Variants in ADGRV1 observed in about 807,000 individuals in gnomAD.
ADGRV1 encodes G-protein coupled receptor 98.
ADGRV1 carries 359 observed loss-of-function variants against 596.2 expected under a neutral mutation model. The ratio of observed to expected loss-of-function variants is 0.60; its 90% confidence interval spans 0.55 to 0.66. The LOEUF is 0.66. ADGRV1 is among the 30% of genes least tolerant of loss of function. The pLI is 0.00. For missense variants in ADGRV1, 7,274 were observed against 7,575.6 expected, an observed-to-expected ratio of 0.96 and a Z score of 1.48; for synonymous variants, 2,681 against 2,679.2, an observed-to-expected ratio of 1.00 and a Z score of -0.02.
intron 70 of ADGRV1, among the ~76,000 whole-genome samples, chr5:90,799,481 A>G (rs188704584): frequency 6.6e-6 from 1 of 152,350 alleles, no homozygotes; most frequent in East Asian, 1.9e-4. Context: ...AAGAATTAAT[A>G]TCGTTAAAAT....
intron 48 of ADGRV1, among the ~76,000 whole-genome samples, chr5:90,726,645 C>G (rs1189470905): frequency 7.6e-6 from 1 of 131,904 alleles, no homozygotes; most frequent in Non-Finnish European, 1.6e-5. Context: ...CCCTTTCTCT[C>G]TCTGGGTATG....
intron 28 of ADGRV1, among the ~76,000 whole-genome samples, 182 bp from the exon 29 acceptor site, chr5:90,685,597 TA>T (rs1745503182): frequency 7.0e-6 from 1 of 142,248 alleles, no homozygotes; most frequent in Non-Finnish European, 1.5e-5. Context: ...AGTCCATCTC[TA>T]TAAATAAATA....
chr5:90,700,921 T>C (rs1747832520), intron 34 of ADGRV1, among the ~76,000 whole-genome samples: 1 of 152,144 alleles, frequency 6.6e-6, no homozygotes, highest in Non-Finnish European at 1.5e-5. Flanking sequence ...TTATGTACAT[T>C]GTAGTTGGTG....
intron 83 of ADGRV1, among the ~76,000 whole-genome samples, chr5:90,964,838 G>A (rs971432026): frequency 6.6e-6 from 1 of 152,114 alleles, no homozygotes; most frequent in Non-Finnish European, 1.5e-5. Context: ...TTATGTGTGT[G>A]AGAAGGAAAT....
rs575555071 is a variant in ADGRV1, at chr5:90,977,575, C to G, written c.17974-7769C>G. ...CATTATATGAAGATATATGAATAAG[C>G]GAATGAATGTGTGTTTATGGAACAT... On this transcript the variant is annotated intron_variant, in intron 84 of 89. Coordinates refer to ENST00000405460, the MANE Select transcript of ADGRV1 (RefSeq NM_032119.4). 2.6e-5 allele frequency among the ~76,000 whole-genome samples: 4 copies of G among 152,142 alleles called. No homozygotes were observed. In the East Asian group the frequency reaches 7.7e-4, roughly 29 times the overall value.
At chr5:90,924,370 T>A (rs1470723122) in intron 83 of ADGRV1, among the ~76,000 whole-genome samples, 2 of 152,096 alleles carry the variant, frequency 1.3e-5, no homozygotes, top group Non-Finnish European at 2.9e-5. Flanking sequence ...TTTGCATTTC[T>A]CTGATGGCCA....
chr5:90,729,808 A>G, intron 50 of ADGRV1, 44 bp downstream of exon 50: 1 of 1,584,888 alleles, frequency 6.3e-7, no homozygotes, highest in African/African-American at 1.3e-5. Context: ...GGTAGTATGG[A>G]AAGCCAGAAT....
chr5:90,821,811 C>G (rs1028607094), intron 75 of ADGRV1, among the ~76,000 whole-genome samples: 1 of 151,992 alleles, frequency 6.6e-6, no homozygotes, highest in Admixed American at 6.5e-5. Flanking sequence ...AACCACTGCT[C>G]TCTTCAAAGC....
intron 84 of ADGRV1, among the ~76,000 whole-genome samples, chr5:90,972,500 GTC>G (rs1385441105): frequency 2.6e-5 from 4 of 152,084 alleles, no homozygotes; most frequent in African/African-American, 9.7e-5. Flanking sequence ...ATAATAAACT[GTC>G]TCTCAGACCA....
intron 85 of ADGRV1, among the ~76,000 whole-genome samples, chr5:91,022,211 T>C (rs1205358845): frequency 6.6e-6 from 1 of 152,088 alleles, no homozygotes. Context: ...CCGGATTCGA[T>C]TGTAGCAGAT....
intron 85 of ADGRV1, among the ~76,000 whole-genome samples, chr5:90,993,492 T>G (rs1294998632): frequency 6.6e-6 from 1 of 152,170 alleles, no homozygotes; most frequent in Non-Finnish European, 1.5e-5. Context: ...TCAGTTATTT[T>G]ATAGAATAAC....
chr5:90,960,144 A>AAAAAC (rs1554177077), intron 83 of ADGRV1, among the ~76,000 whole-genome samples: 17 of 145,606 alleles, frequency 1.2e-4, no homozygotes, highest in African/African-American at 4.0e-4. Flanking sequence ...TCTCAAAAAA[A>AAAAAC]AAAAAAAAAC....
chr5:90,705,301 C>A, intron 36 of ADGRV1, 99 bp from the exon 37 acceptor site: 2 of 943,774 alleles, frequency 2.1e-6, no homozygotes, highest in African/African-American at 1.6e-5. Flanking sequence ...GTAAATAGAA[C>A]ACTTTTGATT....
At chr5:91,084,742 G>C (rs1789711982) in intron 86 of ADGRV1, among the ~76,000 whole-genome samples, 1 of 152,110 alleles carries the variant, frequency 6.6e-6, no homozygotes, top group African/African-American at 2.4e-5. Context: ...TATACCCGAA[G>C]GATTATAAAT....
chr5:90,875,567 G>A (rs1023135150), intron 83 of ADGRV1, among the ~76,000 whole-genome samples: 1 of 152,206 alleles, frequency 6.6e-6, no homozygotes, highest in Admixed American at 6.5e-5. Context: ...AAACCAGGTG[G>A]TGGTGGGGTC....
At chr5:90,631,827 A>G (rs140079478) in intron 9 of ADGRV1, among the ~76,000 whole-genome samples, 21 of 152,342 alleles carry the variant, frequency 1.4e-4, no homozygotes, top group African/African-American at 4.6e-4. Flanking sequence ...CTGCTACCAG[A>G]ACACATTTAG....
At chr5:90,746,603 ATC>A (rs1438910833) in intron 52 of ADGRV1, among the ~76,000 whole-genome samples, 1 of 152,190 alleles carries the variant, frequency 6.6e-6, no homozygotes, top group African/African-American at 2.4e-5. Context: ...GATTGTTTCC[ATC>A]TCTCTACTTT....
chr5:91,128,465 TTAACC>T (rs1217025274), intron 87 of ADGRV1, among the ~76,000 whole-genome samples: 1 of 152,172 alleles, frequency 6.6e-6, no homozygotes, highest in African/African-American at 2.4e-5. Context: ...TGCTATGCGT[TTAACC>T]TCTGTGTTCC....
chr5:90,637,562 G>T (rs1262670169), intron 10 of ADGRV1, among the ~76,000 whole-genome samples, 163 bp from the exon 11 acceptor site: 1 of 152,108 alleles, frequency 6.6e-6, no homozygotes, highest in Non-Finnish European at 1.5e-5. Flanking sequence ...ATGCTTAAAG[G>T]ATTGTTTGGT....
Sources: gnomAD v4.1 joint callset for allele counts (sites outside exome capture counted in the v4.1 genomes callset) on GRCh38, gnomAD v4.1.1 for gene constraint, MANE v1.5 for transcripts, NCBI Gene and HGNC (gene_info 2026-07-23, HGNC 2026-07-21) for gene names.